SGCZ: variants seen among roughly 807,000 people sequenced by gnomAD.
The protein encoded by SGCZ is sarcoglycan zeta.
Under a neutral mutation model 41.3 loss-of-function variants are expected in SGCZ, and 40 were observed. That is an observed-to-expected ratio of 0.97 (90% CI 0.75 to 1.26). SGCZ has a LOEUF of 1.26. Among genes scored for constraint, SGCZ ranks in the 50% most tolerant of loss-of-function variants. SGCZ has a pLI of 0.00. For missense variants in SGCZ, 552 were observed against 369.8 expected, an observed-to-expected ratio of 1.49 and a Z score of -4.04; for synonymous variants, 206 against 137.5, an observed-to-expected ratio of 1.50 and a Z score of -3.49.
chr8:14,664,960 G>C (rs1321088742), intron 1 of SGCZ, among the ~76,000 whole-genome samples: 1 of 152,142 alleles, frequency 6.6e-6, no homozygotes, highest in African/African-American at 2.4e-5. Context: ...TCCTGGTCAA[G>C]CTATTTGTGA....
chr8:15,177,489 A>G (rs892091880), intron 1 of SGCZ, among the ~76,000 whole-genome samples: 2 of 152,204 alleles, frequency 1.3e-5, no homozygotes, highest in African/African-American at 4.8e-5. Context: ...TTTGATTTTA[A>G]AGATTATACA....
At chr8:15,229,728 A>G (rs1402552059) in intron 1 of SGCZ, among the ~76,000 whole-genome samples, 1 of 152,232 alleles carries the variant, frequency 6.6e-6, no homozygotes, top group Non-Finnish European at 1.5e-5. Context: ...TGGAATCACA[A>G]TGATAACAGC....
rs1221785673 is a variant in SGCZ at position 14,790,393 on chromosome 8, T to C, written c.40-235467A>G. On this transcript the variant is annotated intron_variant, in intron 1 of 7. Transcript: ENST00000382080. The stretch of plus-strand genomic sequence containing the variant: ...ACTGTGATGAAATAGCATTCTCACA[T>C]ATGACTGATGCAAATGTACACTGTA... 2.0e-5 allele frequency among the ~76,000 whole-genome samples: 3 copies of C among 152,182 alleles called. No homozygotes were observed. The East Asian group carries it at 5.8e-4, about 29-fold the overall frequency.
At chr8:15,064,633 A>G (rs1162566217) in intron 1 of SGCZ, among the ~76,000 whole-genome samples, 2 of 151,976 alleles carry the variant, frequency 1.3e-5, no homozygotes, top group Admixed American at 6.5e-5. Flanking sequence ...CATTCAGACA[A>G]TCAAGATGCT....
intron 4 of SGCZ, among the ~76,000 whole-genome samples, chr8:14,204,492 A>G (rs1004502451): frequency 2.0e-5 from 3 of 152,078 alleles, no homozygotes; most frequent in African/African-American, 4.8e-5. Flanking sequence ...GTAAGGTAAA[A>G]ATCTGGTCTG....
intron 1 of SGCZ, among the ~76,000 whole-genome samples, chr8:15,068,987 A>T (rs1805254778): frequency 6.6e-6 from 1 of 152,208 alleles, no homozygotes. Flanking sequence ...ACAGAATACA[A>T]CAAAAGCTGA....
intron 2 of SGCZ, among the ~76,000 whole-genome samples, chr8:14,475,016 T>A (rs76947118): frequency 0.054 from 8,250 of 152,232 alleles, 724 homozygotes; most frequent in African/African-American, 0.19. Context: ...TCTTCTCCAA[T>A]CTAGCATCAG....
At chr8:14,953,953 C>T (rs1446425133) in intron 1 of SGCZ, among the ~76,000 whole-genome samples, 4 of 152,106 alleles carry the variant, frequency 2.6e-5, no homozygotes, top group Non-Finnish European at 5.9e-5. Context: ...CCAGTCCTTT[C>T]AGTGTTACTG....
chr8:14,254,547 A>G (rs545069666), intron 3 of SGCZ, among the ~76,000 whole-genome samples: 2 of 152,206 alleles, frequency 1.3e-5, no homozygotes, highest in East Asian at 1.9e-4. Context: ...TAAAAATTGA[A>G]TCCAGCTTTT....
At chr8:14,967,319 T>C (rs969822166) in intron 1 of SGCZ, among the ~76,000 whole-genome samples, 2 of 152,142 alleles carry the variant, frequency 1.3e-5, no homozygotes, top group African/African-American at 4.8e-5. Flanking sequence ...CGCTTCTAAC[T>C]GGCGCTCCAT....
chr8:14,518,571 T>C (rs1470958665), intron 2 of SGCZ, among the ~76,000 whole-genome samples: 1 of 152,142 alleles, frequency 6.6e-6, no homozygotes, highest in African/African-American at 2.4e-5. Flanking sequence ...GAACTTTGTC[T>C]AGAATTCCTT....
chr8:14,719,869 T>C (rs1050543956), intron 1 of SGCZ, among the ~76,000 whole-genome samples: 34 of 152,076 alleles, frequency 2.2e-4, no homozygotes, highest in African/African-American at 7.5e-4. Context: ...TGAGATCCCA[T>C]TTGTCAATTT....
chr8:14,985,987 G>C (rs1801814273), intron 1 of SGCZ, among the ~76,000 whole-genome samples: 1 of 152,104 alleles, frequency 6.6e-6, no homozygotes, highest in South Asian at 2.1e-4. Flanking sequence ...TATTGAATTA[G>C]TAACCACTCG....
chr8:14,282,310 C>T (rs1418380295), intron 3 of SGCZ, among the ~76,000 whole-genome samples: 1 of 152,012 alleles, frequency 6.6e-6, no homozygotes, highest in Non-Finnish European at 1.5e-5. Flanking sequence ...ATCTTCACTC[C>T]ACACTCACAT....
intron 1 of SGCZ, among the ~76,000 whole-genome samples, chr8:14,809,294 T>C (rs1460956251): frequency 6.6e-6 from 1 of 150,842 alleles, no homozygotes; most frequent in Non-Finnish European, 1.5e-5. Flanking sequence ...AAAGGAGAAA[T>C]GTGTAAGAAA....
chr8:14,459,925 A>G (rs200245289), intron 2 of SGCZ, among the ~76,000 whole-genome samples: 1 of 152,194 alleles, frequency 6.6e-6, no homozygotes, highest in East Asian at 1.9e-4. Flanking sequence ...AAAGACAAGA[A>G]AAAACTGGAG....
At chr8:14,762,150 C>CATTT (rs1799905576) in intron 1 of SGCZ, among the ~76,000 whole-genome samples, 1 of 152,090 alleles carries the variant, frequency 6.6e-6, no homozygotes, top group African/African-American at 2.4e-5. Flanking sequence ...ATTGCATGAA[C>CATTT]ATTTATACAT....
chr8:14,723,050 G>T lies in SGCZ; in HGVS notation c.40-168124C>A, dbSNP rs186942155. 2.8e-3 allele frequency among the ~76,000 whole-genome samples: 431 copies of T among 152,170 alleles called. 6 individuals carry two copies. Among genetic ancestry groups the T allele is most frequent in the African/African-American group, 7.9e-3 (329 of 41,510 alleles). On this transcript the variant is annotated intron_variant, in intron 1 of 7. Transcript: ENST00000382080. Reference sequence around the variant, plus strand: ...TCCATTGTTTGTTTCTATTGTTTATGTCCATTTTGCTAGGCAGGTTCAAAA... The same window carrying T: ...TCCATTGTTTGTTTCTATTGTTTATTTCCATTTTGCTAGGCAGGTTCAAAA...
At chr8:14,341,187 C>T (rs1332245482) in intron 2 of SGCZ, among the ~76,000 whole-genome samples, 1 of 152,150 alleles carries the variant, frequency 6.6e-6, no homozygotes, top group African/African-American at 2.4e-5. Context: ...TCAATGAGCA[C>T]TTGGGTTGCA....
Sources: gnomAD v4.1 joint callset for allele counts (sites outside exome capture counted in the v4.1 genomes callset) on GRCh38, gnomAD v4.1.1 for gene constraint, MANE v1.5 for transcripts, NCBI Gene and HGNC (gene_info 2026-07-23, HGNC 2026-07-21) for gene names.